Variants in ANKRD13C observed in about 807,000 individuals in gnomAD.
ANKRD13C encodes ankyrin repeat domain 13C.
A neutral mutation model predicts 65.5 loss-of-function variants in ANKRD13C; 16 were observed. The observed-to-expected ratio is 0.24, with a 90% CI of 0.17 to 0.37. The LOEUF (loss-of-function observed/expected upper bound fraction) is 0.37. Among genes scored for constraint, ANKRD13C ranks in the 10% least tolerant of loss-of-function variants. ANKRD13C has a pLI of 1.00. For synonymous variants in ANKRD13C, 235 were observed against 238.7 expected (o/e 0.98, Z 0.14); for missense variants, 503 against 655.9 (o/e 0.77, Z 2.55).
chr1:70,290,539 CTTT>C (rs768872701), intron 9 of ANKRD13C, among the ~76,000 whole-genome samples: 10 of 142,150 alleles, frequency 7.0e-5, no homozygotes, highest in Admixed American at 1.4e-4. Flanking sequence ...GATTTTTCTC[CTTT>C]TTTTTTTTTT....
At position 70,262,355 on chromosome 1, in the gene ANKRD13C, A is replaced by AGATATT. The variant is rs1243229123; in HGVS notation, c.*361_*362insAATATC. On this transcript the variant is annotated 3_prime_UTR_variant, in exon 13 of 13. Coordinates refer to ENST00000370944, the MANE Select transcript of ANKRD13C (RefSeq NM_030816.5). ...TACGTTAATGGTCCAGGAGTGTTTT[A>AGATATT]GATATAGATATAGATATAGATATAT... The AGATATT allele has an allele frequency of 1.3e-5, 2 of 153,780 alleles. No individual in the cohort carries two copies. Among genetic ancestry groups the AGATATT allele is most frequent in the African/African-American group, 4.8e-5 (2 of 41,348 alleles). 9.5% of individuals were successfully genotyped at this position (153,780 alleles called of 1,614,324 possible). A position where few individuals can be genotyped will look rare whatever the true frequency, so the allele number is the denominator to read the frequency against.
chr1:70,293,539 A>G, intron 8 of ANKRD13C: 8 of 984,880 alleles, frequency 8.1e-6, no homozygotes, highest in Non-Finnish European at 9.6e-6. Context: ...TAGATGCTTC[A>G]AGAGCTTTGA....
At chr1:70,305,319 A>G (rs1319916970) in intron 6 of ANKRD13C, among the ~76,000 whole-genome samples, 2 of 152,190 alleles carry the variant, frequency 1.3e-5, no homozygotes, top group Non-Finnish European at 2.9e-5. Context: ...AAGAAGTCAG[A>G]AGTCCTGGTT....
At chr1:70,340,376 C>T (rs1044420207) in intron 1 of ANKRD13C, among the ~76,000 whole-genome samples, 5 of 152,116 alleles carry the variant, frequency 3.3e-5, no homozygotes, top group African/African-American at 1.2e-4. Context: ...AAATGTCTAG[C>T]TTATCTGCAT....
chr1:70,351,720 G>T (rs1049155049), intron 1 of ANKRD13C, among the ~76,000 whole-genome samples: 1 of 152,000 alleles, frequency 6.6e-6, no homozygotes, highest in Non-Finnish European at 1.5e-5. Context: ...TTGTTTAAGT[G>T]ATTTTATAAG....
At chr1:70,337,179 ACAC>A (rs1010822579) in intron 1 of ANKRD13C, among the ~76,000 whole-genome samples, 10 of 151,296 alleles carry the variant, frequency 6.6e-5, no homozygotes, top group Admixed American at 6.6e-4. Context: ...ACACACACAC[ACAC>A]TTTTGCTCAA....
rs2101134803 is a variant in ANKRD13C, at chr1:70,274,643, T to C, written c.1394+77A>G. 3 of 1,059,470 alleles carry C rather than the reference T, an allele frequency of 2.8e-6. No homozygotes were observed. The East Asian group carries it at 7.1e-5, about 25-fold the overall frequency. 65.6% of individuals were successfully genotyped at this position (1,059,470 alleles called of 1,614,324 possible). A position where few individuals can be genotyped will look rare whatever the true frequency, so the allele number is the denominator to read the frequency against. ...ATTTCAAAGGTCTCAAATGCACCACTGGGGTGCAAATATTATTACAGCCTT... is the reference window on the plus strand; with the variant it reads ...ATTTCAAAGGTCTCAAATGCACCACCGGGGTGCAAATATTATTACAGCCTT... On this transcript the variant is annotated intron_variant, in intron 11 of 12. Coordinates refer to ENST00000370944, the MANE Select transcript of ANKRD13C (RefSeq NM_030816.5).
intron 1 of ANKRD13C, among the ~76,000 whole-genome samples, chr1:70,341,363 G>GTTTTTTTTTTTT (rs35739788): frequency 9.2e-6 from 1 of 109,160 alleles, no homozygotes; most frequent in Non-Finnish European, 1.8e-5. Context: ...CTTTTTGTGT[G>GTTTTTTTTTTTT]TTTTTTTTTT....
intron 4 of ANKRD13C, among the ~76,000 whole-genome samples, chr1:70,314,821 T>C (rs1352422850): frequency 1.3e-5 from 2 of 151,472 alleles, no homozygotes; most frequent in Non-Finnish European, 2.9e-5. Context: ...CCCACAGTTC[T>C]TTCAGGCAGC....
At chr1:70,308,562 A>T (rs1160611836) in intron 5 of ANKRD13C, among the ~76,000 whole-genome samples, 4 of 151,790 alleles carry the variant, frequency 2.6e-5, no homozygotes, top group Non-Finnish European at 5.9e-5. Context: ...ACACGGTGAA[A>T]CCCCGTCTTT....
intron 7 of ANKRD13C, among the ~76,000 whole-genome samples, chr1:70,297,063 T>C (rs553827134): frequency 6.6e-6 from 1 of 152,184 alleles, no homozygotes; most frequent in African/African-American, 2.4e-5. Flanking sequence ...TAAGATGAGA[T>C]TCTATTCCAT....
intron 1 of ANKRD13C, among the ~76,000 whole-genome samples, chr1:70,337,265 C>A (rs1490358601): frequency 1.3e-5 from 2 of 151,974 alleles, no homozygotes; most frequent in African/African-American, 4.8e-5. Context: ...TAGAAAACAG[C>A]ACAAATAAAT....
Position 70,259,770 on chromosome 1 carries a change from T to C in ANKRD13C, c.*2947A>G, listed in dbSNP as rs1234855783. ...TGCTTTTCTCTAGCATGTTTGTAAA[T>C]ATGGGTAATATCAATGAGCAGAAGG... On this transcript the variant is annotated 3_prime_UTR_variant, in exon 13 of 13. Transcript: ENST00000370944. Among the ~76,000 whole-genome samples the C allele has an allele frequency of 6.6e-6, 1 of 152,164 alleles. No homozygotes were observed. The highest frequency in any genetic ancestry group is 2.4e-5 in the African/African-American group (1 of 41,432).
In ANKRD13C at chr1:70,312,631, C is replaced by T. The variant is rs139945700; in HGVS notation, c.709+1114G>A. On this transcript the variant is annotated intron_variant, in intron 5 of 12. Transcript: ENST00000370944. ...TTCCTCATTTGGTATAATATGCATACGTGCCTGGGCGACAGAGTGAGTGAG... is the reference window on the plus strand; with the variant it reads ...TTCCTCATTTGGTATAATATGCATATGTGCCTGGGCGACAGAGTGAGTGAG... 2.9e-3 allele frequency among the ~76,000 whole-genome samples: 438 copies of T among 149,218 alleles called. 6 individuals carry two copies. Among genetic ancestry groups the T allele is most frequent in the African/African-American group, 0.011 (426 of 40,418 alleles).
In ANKRD13C at chr1:70,296,130, T is replaced by C. The variant is rs150473953; in HGVS notation, c.1053A>G (p.Thr351=). Residue 351 remains threonine, a splice_region_variant and synonymous_variant, in exon 8 of 13, where the codon ACA becomes ACG. Transcript: ENST00000370944. ...TTTAAAAATCTAGATTTGCACATACTGTTTTATCTTCCCGAAAAAGCCATC... is the reference window on the plus strand; with the variant it reads ...TTTAAAAATCTAGATTTGCACATACCGTTTTATCTTCCCGAAAAAGCCATC... ...QTGWLFREDK[T]ERVGNFLADF... is the part of the protein sequence containing the mutation. The C allele has an allele frequency of 1.4e-5, 23 of 1,612,008 alleles. No individual in the cohort carries two copies. Among genetic ancestry groups the C allele is most frequent in the Non-Finnish European group, 1.9e-5 (22 of 1,179,494 alleles).
intron 7 of ANKRD13C, among the ~76,000 whole-genome samples, chr1:70,297,838 G>A (rs1461657614): frequency 1.3e-4 from 20 of 150,462 alleles, no homozygotes; most frequent in East Asian, 4.0e-4. Context: ...ACTTGAACCC[G>A]GGAGGTGGAG....
intron 1 of ANKRD13C, among the ~76,000 whole-genome samples, chr1:70,336,979 T>C (rs906560594): frequency 1.3e-5 from 2 of 152,136 alleles, no homozygotes; most frequent in Non-Finnish European, 2.9e-5. Context: ...AGTCAGTAAA[T>C]AAAATTTGCT....
intron 10 of ANKRD13C, among the ~76,000 whole-genome samples, chr1:70,275,079 C>T (rs1159338182): frequency 3.3e-5 from 5 of 152,092 alleles, no homozygotes; most frequent in Non-Finnish European, 5.9e-5. Context: ...TTAATAACCA[C>T]TATTTTTAGG....
intron 10 of ANKRD13C, among the ~76,000 whole-genome samples, chr1:70,276,003 A>T (rs1679119132): frequency 6.6e-6 from 1 of 151,110 alleles, no homozygotes; most frequent in Admixed American, 6.6e-5. Context: ...ATTAAGATGG[A>T]AACATCTTGG....
Sources: gnomAD v4.1 joint callset for allele counts (sites outside exome capture counted in the v4.1 genomes callset) on GRCh38, gnomAD v4.1.1 for gene constraint, MANE v1.5 for transcripts, NCBI Gene and HGNC (gene_info 2026-07-23, HGNC 2026-07-21) for gene names.